Variants in COMMD1 observed in about 807,000 individuals in gnomAD.
COMMD1 encodes the protein copper metabolism domain containing 1.
Under a neutral mutation model 17.2 loss-of-function variants are expected in COMMD1, and 10 were observed. The ratio of observed to expected loss-of-function variants is 0.58; its 90% CI spans 0.36 to 0.99. The LOEUF (loss-of-function observed/expected upper bound fraction) is 0.99, where lower values mean the gene tolerates loss of function less well. Among genes scored for constraint, COMMD1 ranks in the 50% least tolerant of loss-of-function variants. COMMD1 has a pLI of 0.01. For missense variants in COMMD1, 270 were observed against 231.8 expected, an observed-to-expected ratio of 1.17 and a Z score of -1.07; for synonymous variants, 97 against 91.6, an observed-to-expected ratio of 1.06 and a Z score of -0.34.
intron 2 of COMMD1, chr2:62,118,259 C>G (rs533758199): frequency 5.3e-5 from 8 of 152,204 alleles, no homozygotes; most frequent in African/African-American, 1.9e-4. Context: ...TCCTGTTTAA[C>G]AGTTCTGTTC....
At chr2:61,905,921 C>CT (rs1168971381) in intron 1 of COMMD1, 63 bp downstream of exon 1, 12 of 1,537,892 alleles carry the variant, frequency 7.8e-6, no homozygotes, top group South Asian at 4.5e-5. Context: ...GCTTCAGACT[C>CT]TCCCCCCCTT....
chr2:61,939,757 C>T (rs1393583542), intron 1 of COMMD1, among the ~76,000 whole-genome samples: 1 of 152,050 alleles, frequency 6.6e-6, no homozygotes, highest in African/African-American at 2.4e-5. Flanking sequence ...ATTTTTTGGA[C>T]CGTTCTTTAA....
At chr2:61,900,443 C>T (rs1390730039) in intron 1 of COMMD1, among the ~76,000 whole-genome samples, 1 of 152,230 alleles carries the variant, frequency 6.6e-6, no homozygotes, top group East Asian at 1.9e-4. Flanking sequence ...TCAAAATGAC[C>T]TATTCAGCAA....
intron 1 of COMMD1, among the ~76,000 whole-genome samples, chr2:61,892,547 A>C (rs1401333268): frequency 6.6e-6 from 1 of 151,950 alleles, no homozygotes; most frequent in Non-Finnish European, 1.5e-5. Flanking sequence ...ACAAAAAATT[A>C]GCCCGGTGTT....
At chr2:61,922,220 T>C (rs1264053591) in intron 1 of COMMD1, among the ~76,000 whole-genome samples, 1 of 152,240 alleles carries the variant, frequency 6.6e-6, no homozygotes, top group East Asian at 1.9e-4. Flanking sequence ...GCAGGGAAGA[T>C]TCTAAAGATT....
At chr2:62,126,456 A>C (rs2104088739) in intron 2 of COMMD1, among the ~76,000 whole-genome samples, 1 of 152,206 alleles carries the variant, frequency 6.6e-6, no homozygotes, top group Middle Eastern at 3.4e-3. Context: ...CTTCTTAATA[A>C]TTGCCATTCT....
intron 1 of COMMD1, among the ~76,000 whole-genome samples, chr2:61,948,082 ACT>A (rs897973114): frequency 2.0e-5 from 3 of 152,260 alleles, no homozygotes; most frequent in East Asian, 1.9e-4. Flanking sequence ...AATTTGGAAA[ACT>A]CTGAAGACAT....
intron 2 of COMMD1, among the ~76,000 whole-genome samples, chr2:62,044,119 C>T (rs183892982): frequency 6.6e-6 from 1 of 152,130 alleles, no homozygotes; most frequent in African/African-American, 2.4e-5. Flanking sequence ...TGCCTTTTGG[C>T]TTCCCTCTTG....
chr2:61,888,575 TG>T (rs2105147070), upstream of COMMD1: 2 of 1,563,672 alleles, frequency 1.3e-6, no homozygotes, highest in African/African-American at 2.7e-5. Flanking sequence ...CCGGCCGCAG[TG>T]TAATAACGGT....
At chr2:61,992,029 T>G (rs936508052) in intron 1 of COMMD1, among the ~76,000 whole-genome samples, 1 of 152,148 alleles carries the variant, frequency 6.6e-6, no homozygotes, top group East Asian at 1.9e-4. Flanking sequence ...GTATAAGAAA[T>G]CTAAACATGA....
upstream of COMMD1, among the ~76,000 whole-genome samples, chr2:61,902,795 A>C (rs537571570): frequency 6.6e-6 from 1 of 152,056 alleles, no homozygotes; most frequent in Non-Finnish European, 1.5e-5. Flanking sequence ...CAGTGAGCCA[A>C]CATCGTGCCA....
intron 1 of COMMD1, among the ~76,000 whole-genome samples, chr2:61,931,746 G>A (rs1381355987): frequency 6.6e-6 from 1 of 152,224 alleles, no homozygotes; most frequent in African/African-American, 2.4e-5. Context: ...CTTGACATAA[G>A]TGACTTCATT....
At chr2:61,960,554 G>T (rs1404625060) in intron 1 of COMMD1, among the ~76,000 whole-genome samples, 3 of 152,142 alleles carry the variant, frequency 2.0e-5, no homozygotes, top group Non-Finnish European at 1.5e-5. Flanking sequence ...CATCTGATAG[G>T]GCAGTAAGTC....
At chr2:62,090,572 A>T (rs747408766) in intron 2 of COMMD1, 1 of 152,228 alleles carries the variant, frequency 6.6e-6, no homozygotes, top group African/African-American at 2.4e-5. Flanking sequence ...TATTTTTCCA[A>T]CCACTTTTGT....
chr2:62,047,681 C>T (rs1670418736), intron 2 of COMMD1, among the ~76,000 whole-genome samples: 1 of 152,114 alleles, frequency 6.6e-6, no homozygotes, highest in Admixed American at 6.6e-5. Flanking sequence ...TCTCGAACTC[C>T]TGACCTCGTG....
At chr2:61,904,019 AT>A (rs1265196849), upstream of COMMD1, among the ~76,000 whole-genome samples, 2 of 151,808 alleles carry the variant, frequency 1.3e-5, no homozygotes, top group African/African-American at 4.8e-5. Context: ...TTATTATTTT[AT>A]TTTTTTGAGA....
chr2:62,031,202 A>G (rs1209276545), intron 2 of COMMD1, among the ~76,000 whole-genome samples: 1 of 152,198 alleles, frequency 6.6e-6, no homozygotes, highest in Non-Finnish European at 1.5e-5. Context: ...TTAAGTCCTC[A>G]CATTAGTTAG....
chr2:61,970,277 A>G (rs1671614171), intron 1 of COMMD1, among the ~76,000 whole-genome samples: 2 of 151,874 alleles, frequency 1.3e-5, no homozygotes, highest in South Asian at 2.1e-4. Flanking sequence ...AAAAAAAAAA[A>G]GAATAATGAT....
intron 2 of COMMD1, among the ~76,000 whole-genome samples, chr2:62,019,096 C>A (rs1669536855): frequency 8.8e-6 from 1 of 114,138 alleles, no homozygotes; most frequent in Non-Finnish European, 1.8e-5. Flanking sequence ...CTTTCTCTCT[C>A]TCTCTTCCCT....
Sources: gnomAD v4.1 joint callset for allele counts (sites outside exome capture counted in the v4.1 genomes callset) on GRCh38, gnomAD v4.1.1 for gene constraint, MANE v1.5 for transcripts, NCBI Gene and HGNC (gene_info 2026-07-23, HGNC 2026-07-21) for gene names.